CPLX1: variants seen among roughly 807,000 people sequenced by gnomAD.
CPLX1 encodes the protein complexin 1.
CPLX1 carries 6 observed loss-of-function variants against 15.6 expected under a neutral mutation model. That is an observed-to-expected ratio of 0.39 (90% CI 0.21 to 0.76). The LOEUF (loss-of-function observed/expected upper bound fraction) is 0.76, where lower values mean the gene tolerates loss of function less well. Ranked by LOEUF, CPLX1 falls within the 30% of genes least tolerant of loss-of-function variation. The probability of loss-of-function intolerance (pLI) is 0.43; values close to 1 mark genes in which losing one functional copy is unlikely to be tolerated. For missense variants in CPLX1, 242 were observed against 188.6 expected, an observed-to-expected ratio of 1.28 and a Z score of -1.66; for synonymous variants, 91 against 75.2, an observed-to-expected ratio of 1.21 and a Z score of -1.08.
At position 818,608 on chromosome 4, in the gene CPLX1, C is replaced by T. The variant is rs77572767; in HGVS notation, c.31+5884G>A. Among the ~76,000 whole-genome samples the T allele has an allele frequency of 4.9e-3, 740 of 152,400 alleles. 5 individuals are homozygous for T. Among genetic ancestry groups the T allele is most frequent in the Middle Eastern group, 0.031 (9 of 294 alleles). ...CATGGCCAAGGCCCCCCGTCCACAC[C>T]GCCGAGGCCAGGAAAGCCGCGCCAT... On this transcript the variant is annotated intron_variant, in intron 2 of 3. Coordinates refer to ENST00000304062, the MANE Select transcript of CPLX1 (RefSeq NM_006651.4).
At chr4:819,687 T>G (rs944536581) in intron 2 of CPLX1, among the ~76,000 whole-genome samples, 1 of 152,118 alleles carries the variant, frequency 6.6e-6, no homozygotes, top group African/African-American at 2.4e-5. Context: ...CTGTTTGGAG[T>G]AGGACGGGCC....
intron 3 of CPLX1, chr4:787,359 G>A (rs1159817256): frequency 3.0e-6 from 3 of 985,274 alleles, no homozygotes; most frequent in East Asian, 1.1e-4. Context: ...CTCATCTCCC[G>A]TGAGTGCGTC....
At chr4:803,891 A>C (rs527915090) in intron 2 of CPLX1, among the ~76,000 whole-genome samples, 2 of 151,364 alleles carry the variant, frequency 1.3e-5, no homozygotes, top group African/African-American at 4.9e-5. Context: ...AGCTGTTCTC[A>C]AACTCCTGAC....
intron 2 of CPLX1, among the ~76,000 whole-genome samples, chr4:800,353 G>C (rs1746425379): frequency 1.3e-5 from 2 of 152,118 alleles, no homozygotes; most frequent in South Asian, 4.1e-4. Flanking sequence ...AAAGATCTTA[G>C]GCCGGGCGCA....
At chr4:791,663 G>C (rs1251014660) in intron 3 of CPLX1, among the ~76,000 whole-genome samples, 2 of 152,210 alleles carry the variant, frequency 1.3e-5, no homozygotes, top group African/African-American at 4.8e-5. Flanking sequence ...TCCAGGGCAG[G>C]GGACTGAGGC....
At chr4:820,294 C>T (rs1746837512) in intron 2 of CPLX1, among the ~76,000 whole-genome samples, 1 of 152,270 alleles carries the variant, frequency 6.6e-6, no homozygotes, top group Non-Finnish European at 1.5e-5. Flanking sequence ...AGAGCCTGAT[C>T]AGTGGCCCAA....
chr4:793,817 C>T (rs1389207452), intron 2 of CPLX1, among the ~76,000 whole-genome samples: 1 of 152,224 alleles, frequency 6.6e-6, no homozygotes, highest in Non-Finnish European at 1.5e-5. Context: ...TGGGCTCTGC[C>T]CCCTGGATGC....
chr4:786,795 C>T, intron 3 of CPLX1, 97 bp from the exon 4 acceptor site: 2 of 1,464,526 alleles, frequency 1.4e-6, no homozygotes, highest in Non-Finnish European at 9.0e-7. Context: ...CCCCCGAAGG[C>T]GTGGGTGCGG....
intron 2 of CPLX1, among the ~76,000 whole-genome samples, chr4:807,995 C>T (rs1387475636): frequency 2.0e-5 from 3 of 152,136 alleles, no homozygotes; most frequent in Admixed American, 1.3e-4. Context: ...TGGCTGGGTG[C>T]GGCGGTCACA....
At chr4:824,645 C>T (rs767484203) in intron 1 of CPLX1, 44 bp from the exon 2 acceptor site, 4 of 1,024,968 alleles carry the variant, frequency 3.9e-6, no homozygotes, top group Non-Finnish European at 4.6e-6. Flanking sequence ...AAGCAGGCCC[C>T]TGCCTGGCCT....
intron 3 of CPLX1, among the ~76,000 whole-genome samples, chr4:790,411 G>A (rs1256890645): frequency 6.6e-6 from 1 of 152,186 alleles, no homozygotes; most frequent in Admixed American, 6.5e-5. Flanking sequence ...CCAGCTCTGG[G>A]CCCCACATGG....
chr4:824,686 T>G, intron 1 of CPLX1, 85 bp from the exon 2 acceptor site: 6 of 771,940 alleles, frequency 7.8e-6, no homozygotes, highest in Non-Finnish European at 1.1e-5. Context: ...TTACCCGCAA[T>G]ACCTTGTGGG....
chr4:825,385 C>A (rs1391173358), intron 1 of CPLX1, among the ~76,000 whole-genome samples: 2 of 152,214 alleles, frequency 1.3e-5, no homozygotes, highest in Non-Finnish European at 2.9e-5. Context: ...AGGAAGGAGA[C>A]TCGCGCGGGG....
In CPLX1 at chr4:810,382, G is replaced by A. The variant is rs187015073; in HGVS notation, c.31+14110C>T. 1.6e-3 allele frequency among the ~76,000 whole-genome samples: 242 copies of A among 152,296 alleles called. 2 individuals carry two copies. The highest frequency in any genetic ancestry group is 6.5e-4 in the Non-Finnish European group (44 of 68,030). Reference sequence around the variant, plus strand: ...GCGCTTTCATTTCTCTTGGGTCAACGTCTAGGAGCAGAATTGCTCAGCTGT... The same window carrying A: ...GCGCTTTCATTTCTCTTGGGTCAACATCTAGGAGCAGAATTGCTCAGCTGT... On this transcript the variant is annotated intron_variant, in intron 2 of 3. Transcript: ENST00000304062.
At chr4:790,065 C>T (rs114135275) in intron 3 of CPLX1, among the ~76,000 whole-genome samples, 1 of 73,602 alleles carries the variant, frequency 1.4e-5, no homozygotes, top group Admixed American at 1.1e-4. Context: ...CTGAGGGCAG[C>T]GTTCCCCCAC....
At chr4:803,168 A>AAAGCAGAAAATGGACAATGGTAAACAGT (rs1746488966) in intron 2 of CPLX1, among the ~76,000 whole-genome samples, 1 of 152,240 alleles carries the variant, frequency 6.6e-6, no homozygotes, top group Admixed American at 6.5e-5. Context: ...AATGAAGAGA[A>AAAGCAGAAAATGGACAATGGTAAACAGT]AAGCAGAAAA....
At chr4:793,050 G>A (rs1055457414) in intron 2 of CPLX1, among the ~76,000 whole-genome samples, 1 of 152,212 alleles carries the variant, frequency 6.6e-6, no homozygotes, top group South Asian at 2.1e-4. Context: ...GTGTGTGGTT[G>A]ACTGCATGCG....
intron 2 of CPLX1, among the ~76,000 whole-genome samples, chr4:824,121 G>A (rs571334656): frequency 1.8e-4 from 28 of 152,234 alleles, no homozygotes; most frequent in Admixed American, 5.2e-4. Flanking sequence ...AGCCCCCTTG[G>A]GGGCTGCCCA....
At chr4:809,754 C>T (rs914326140) in intron 2 of CPLX1, among the ~76,000 whole-genome samples, 9 of 152,296 alleles carry the variant, frequency 5.9e-5, no homozygotes, top group Admixed American at 2.6e-4. Flanking sequence ...GCCTGTGTGG[C>T]CCCTCCCACC....
Sources: allele counts gnomAD v4.1 joint callset (sites outside exome capture counted in the v4.1 genomes callset), GRCh38; gene constraint gnomAD v4.1.1; transcripts MANE v1.5; gene names NCBI Gene and HGNC (gene_info 2026-07-23, HGNC 2026-07-21).